MTUS2: variants seen among roughly 807,000 people sequenced by gnomAD.
The protein encoded by MTUS2 is microtubule-associated tumor suppressor candidate 2.
In MTUS2, 40 loss-of-function variants were observed where a neutral mutation model predicts 114.1. The observed-to-expected ratio is 0.35, with a 90% CI of 0.27 to 0.46. The LOEUF is 0.46. MTUS2 is among the 20% of genes least tolerant of loss of function. The pLI, the probability that MTUS2 is intolerant of heterozygous loss-of-function variation, is 1.00. For synonymous variants in MTUS2, 688 were observed against 672.0 expected, an observed-to-expected ratio of 1.02 and a Z score of -0.37; for missense variants, 1,679 against 1,705.4, an observed-to-expected ratio of 0.98 and a Z score of 0.27.
intron 2 of MTUS2, among the ~76,000 whole-genome samples, chr13:29,003,227 A>C (rs1885461476): frequency 6.6e-6 from 1 of 151,850 alleles, no homozygotes; most frequent in African/African-American, 2.4e-5. Context: ...TGCATAAATT[A>C]ATGATTTAGT....
chr13:29,307,316 C>A (rs1474118533), intron 6 of MTUS2: 6 of 677,496 alleles, frequency 8.9e-6, no homozygotes, highest in South Asian at 1.6e-5. Context: ...ACAGTCCATG[C>A]TGTCCCTGCC....
chr13:29,492,511 T>TC, intron 11 of MTUS2, 135 bp from the exon 12 acceptor site: 1 of 618,608 alleles, frequency 1.6e-6, no homozygotes, highest in Non-Finnish European at 2.9e-6. Flanking sequence ...AGTGGAGGAG[T>TC]CCCCTTAGGC....
At chr13:29,178,217 A>C (rs4769684) in intron 5 of MTUS2, among the ~76,000 whole-genome samples, 112,824 of 152,072 alleles carry the variant, frequency 0.74, 41,961 homozygotes, top group East Asian at 0.8. Context: ...TTTAAAGTTT[A>C]AAATTGTTTG....
intron 5 of MTUS2, among the ~76,000 whole-genome samples, chr13:29,270,549 C>A (rs1490546526): frequency 6.6e-6 from 1 of 152,208 alleles, no homozygotes; most frequent in Non-Finnish European, 1.5e-5. Context: ...AATGGGAACT[C>A]CCCCTCTTTG....
chr13:28,949,032 T>C (rs1188683670), intron 2 of MTUS2, among the ~76,000 whole-genome samples: 1 of 152,374 alleles, frequency 6.6e-6, no homozygotes, highest in Middle Eastern at 3.4e-3. Flanking sequence ...ATATGTAGTA[T>C]ATAAAAGGGA....
intron 2 of MTUS2, among the ~76,000 whole-genome samples, chr13:28,907,466 TAA>T (rs1238600368): frequency 2.0e-5 from 3 of 151,416 alleles, no homozygotes; most frequent in Non-Finnish European, 4.4e-5. Flanking sequence ...GCAAATTGGA[TAA>T]AGAGTCAAGA....
chr13:29,395,589 G>C (rs1222186463), intron 8 of MTUS2, among the ~76,000 whole-genome samples: 1 of 152,170 alleles, frequency 6.6e-6, no homozygotes, highest in Non-Finnish European at 1.5e-5. Context: ...AGGGTTTGCT[G>C]TATTAAGCAA....
intron 9 of MTUS2, among the ~76,000 whole-genome samples, chr13:29,447,058 G>A (rs921022016): frequency 2.0e-5 from 3 of 151,990 alleles, no homozygotes; most frequent in Non-Finnish European, 2.9e-5. Context: ...GGATACTTTC[G>A]GATTTAAGAT....
intron 2 of MTUS2, among the ~76,000 whole-genome samples, chr13:28,935,006 GTTT>G (rs775863792): frequency 4.8e-5 from 2 of 41,438 alleles, no homozygotes; most frequent in East Asian, 1.4e-3. Flanking sequence ...TCTCCATAGC[GTTT>G]TTTTTTTTTT....
intron 2 of MTUS2, among the ~76,000 whole-genome samples, chr13:28,931,669 T>G (rs1881622989): frequency 6.6e-6 from 1 of 151,666 alleles, no homozygotes; most frequent in Non-Finnish European, 1.5e-5. Flanking sequence ...AATGACTGTT[T>G]ATATTGTATT....
At chr13:29,007,202 T>G (rs1217025761) in intron 2 of MTUS2, among the ~76,000 whole-genome samples, 2 of 152,244 alleles carry the variant, frequency 1.3e-5, no homozygotes, top group Non-Finnish European at 2.9e-5. Context: ...TGCTATAGTT[T>G]CCTTTAATTG....
chr13:28,890,636 A>G (rs982850752), intron 2 of MTUS2, among the ~76,000 whole-genome samples: 2 of 152,260 alleles, frequency 1.3e-5, no homozygotes, highest in Non-Finnish European at 2.9e-5. Flanking sequence ...AGAAATATGC[A>G]TAAAACCATT....
intron 5 of MTUS2, among the ~76,000 whole-genome samples, chr13:29,157,364 C>T (rs897261869): frequency 6.6e-6 from 1 of 152,182 alleles, no homozygotes; most frequent in Non-Finnish European, 1.5e-5. Flanking sequence ...ACATACTCAC[C>T]AGCCCTTGGT....
At chr13:28,865,519 G>T (rs1002033886) in intron 2 of MTUS2, among the ~76,000 whole-genome samples, 16 of 152,306 alleles carry the variant, frequency 1.1e-4, no homozygotes, top group African/African-American at 3.4e-4. Flanking sequence ...GTGACTTTAT[G>T]ATTCCTCTGT....
At chr13:29,045,294 G>A (rs1216649719) in intron 4 of MTUS2, among the ~76,000 whole-genome samples, 2 of 152,086 alleles carry the variant, frequency 1.3e-5, no homozygotes, top group African/African-American at 4.8e-5. Context: ...TTCTGGTGAG[G>A]GCCCTCTTCT....
intron 8 of MTUS2, among the ~76,000 whole-genome samples, chr13:29,387,317 C>G (rs578035684): frequency 3.4e-4 from 51 of 152,210 alleles, no homozygotes; most frequent in African/African-American, 1.2e-3. Context: ...TAACATGATG[C>G]GGATTGCAAG....
intron 3 of MTUS2, among the ~76,000 whole-genome samples, chr13:29,029,781 G>T (rs1388035041): frequency 6.6e-6 from 1 of 152,116 alleles, no homozygotes; most frequent in Non-Finnish European, 1.5e-5. Context: ...GGGAGTGGAG[G>T]AGGTGCCAGG....
At chr13:28,830,176 A>T (rs571831585) in intron 1 of MTUS2, among the ~76,000 whole-genome samples, 1 of 151,418 alleles carries the variant, frequency 6.6e-6, no homozygotes, top group South Asian at 2.1e-4. Context: ...ATATAACAAC[A>T]AACCTTTATG....
At chr13:29,188,057 T>G (rs1273754629) in intron 5 of MTUS2, among the ~76,000 whole-genome samples, 10 of 152,210 alleles carry the variant, frequency 6.6e-5, no homozygotes, top group Admixed American at 6.5e-4. Flanking sequence ...AATTATAAAT[T>G]ACTGATTTTT....
Sources: allele counts gnomAD v4.1 joint callset (sites outside exome capture counted in the v4.1 genomes callset), GRCh38; gene constraint gnomAD v4.1.1; transcripts MANE v1.5; gene names NCBI Gene and HGNC (gene_info 2026-07-23, HGNC 2026-07-21).